Variants in UBTD2 observed in about 807,000 individuals in gnomAD.
UBTD2 encodes ubiquitin domain-containing protein 2.
Under a neutral mutation model 19.8 loss-of-function variants are expected in UBTD2, and 9 were observed. That is an observed-to-expected ratio of 0.46 (90% confidence interval 0.27 to 0.79). The LOEUF is 0.79. Ranked by LOEUF, UBTD2 falls within the 30% of genes least tolerant of loss-of-function variation. UBTD2 has a pLI of 0.14. For synonymous variants in UBTD2, 98 were observed against 103.9 expected, an observed-to-expected ratio of 0.94 and a Z score of 0.35; for missense variants, 250 against 300.4, an observed-to-expected ratio of 0.83 and a Z score of 1.24.
intron 1 of UBTD2, among the ~76,000 whole-genome samples, chr5:172,256,984 T>C (rs546117932): frequency 1.3e-5 from 2 of 149,806 alleles, no homozygotes; most frequent in South Asian, 2.2e-4. Flanking sequence ...AATTCTTTTT[T>C]TTCTTCTTCT....
chr5:172,222,091 G>A (rs1771663596), intron 2 of UBTD2, among the ~76,000 whole-genome samples: 1 of 152,016 alleles, frequency 6.6e-6, no homozygotes, highest in Admixed American at 6.6e-5. Context: ...AGGTTTATGG[G>A]TTACGCTCTT....
Position 172,211,258 on chromosome 5 carries a change from A to G in UBTD2, c.*572T>C, listed in dbSNP as rs1247214017. On this transcript the variant is annotated 3_prime_UTR_variant, in exon 3 of 3. Transcript: ENST00000393792. ...ACTAAAGCACAATTTGCCAGTCTCT[A>G]CTCATTTATGGCTAAATATTAATTG... is the stretch of plus-strand genomic sequence containing the variant. 1.3e-5 allele frequency: 2 copies of G among 152,448 alleles called. No homozygotes were observed. Among genetic ancestry groups the G allele is most frequent in the Non-Finnish European group, 2.9e-5 (2 of 68,042 alleles). The allele number at this position is 152,448 out of a possible 1,614,324, so 9.4% of individuals were successfully genotyped here.
chr5:172,248,243 T>G (rs1182044557), intron 1 of UBTD2, among the ~76,000 whole-genome samples: 1 of 152,158 alleles, frequency 6.6e-6, no homozygotes, highest in African/African-American at 2.4e-5. Flanking sequence ...CCTAACTTCA[T>G]GCCTCAAGGA....
chr5:172,214,044 C>T (rs534844493), intron 2 of UBTD2, among the ~76,000 whole-genome samples: 1 of 152,320 alleles, frequency 6.6e-6, no homozygotes, highest in African/African-American at 2.4e-5. Context: ...CTTGGCCTCC[C>T]AAAGTGTTGG....
intron 2 of UBTD2, among the ~76,000 whole-genome samples, chr5:172,217,246 T>C (rs926892205): frequency 7.6e-6 from 1 of 131,952 alleles, no homozygotes; most frequent in Non-Finnish European, 1.6e-5. Context: ...ACCCTGTCTG[T>C]AGTAAAAATA....
At chr5:172,224,247 C>T (rs996345518) in intron 2 of UBTD2, among the ~76,000 whole-genome samples, 1 of 138,264 alleles carries the variant, frequency 7.2e-6, no homozygotes, top group African/African-American at 2.6e-5. Flanking sequence ...CGGCTTCCCC[C>T]AAGCTCTTCT....
chr5:172,227,827 C>G (rs1049531023), intron 2 of UBTD2, among the ~76,000 whole-genome samples: 1 of 150,812 alleles, frequency 6.6e-6, no homozygotes, highest in African/African-American at 2.4e-5. Flanking sequence ...ATTACAGGCA[C>G]CCGCCACCAT....
At chr5:172,221,994 G>T (rs1453672873) in intron 2 of UBTD2, among the ~76,000 whole-genome samples, 1 of 152,096 alleles carries the variant, frequency 6.6e-6, no homozygotes, top group Non-Finnish European at 1.5e-5. Context: ...ACTTAATTTT[G>T]CTGTGAACTT....
chr5:172,277,383 A>C (rs1755626329), intron 1 of UBTD2, among the ~76,000 whole-genome samples: 1 of 152,154 alleles, frequency 6.6e-6, no homozygotes. Context: ...CAACAGAAGA[A>C]AAAAATAGAT....
chr5:172,246,751 CTTTTTTTTTTTTTTTTTTT>C (rs70982379), intron 1 of UBTD2, among the ~76,000 whole-genome samples: 2 of 62,496 alleles, frequency 3.2e-5, no homozygotes, highest in Non-Finnish European at 5.6e-5. Context: ...GCCGAGATTG[CTTTTTTTTTTTTTTTTTTT>C]TTTTTTTTTT....
At chr5:172,277,476 G>C (rs1015282266) in intron 1 of UBTD2, among the ~76,000 whole-genome samples, 7 of 152,100 alleles carry the variant, frequency 4.6e-5, no homozygotes, top group African/African-American at 1.7e-4. Context: ...GGAGGTCAAG[G>C]AGGGAGGATC....
intron 1 of UBTD2, among the ~76,000 whole-genome samples, chr5:172,273,056 G>A (rs776989444): frequency 1.1e-4 from 16 of 147,554 alleles, no homozygotes; most frequent in Non-Finnish European, 1.9e-4. Context: ...CAGCCTGGGC[G>A]AGACAGCAAG....
intron 1 of UBTD2, among the ~76,000 whole-genome samples, chr5:172,281,296 C>G (rs921958373): frequency 5.3e-5 from 8 of 152,186 alleles, no homozygotes; most frequent in African/African-American, 1.9e-4. Context: ...TAACCCAACA[C>G]ATTCAGATTA....
chr5:172,212,880 G>A (rs1366837865), intron 2 of UBTD2, among the ~76,000 whole-genome samples: 1 of 152,024 alleles, frequency 6.6e-6, no homozygotes, highest in African/African-American at 2.4e-5. Flanking sequence ...TGGCCAGGCT[G>A]GTCTCAAACT....
At chr5:172,255,432 G>A in intron 1 of UBTD2, 1 of 496,676 alleles carries the variant, frequency 2.0e-6, no homozygotes, top group African/African-American at 2.0e-5. Context: ...TCAAACATGA[G>A]CATTCTTTTA....
intron 2 of UBTD2, among the ~76,000 whole-genome samples, chr5:172,221,975 G>A (rs1771661162): frequency 1.3e-5 from 2 of 152,098 alleles, no homozygotes; most frequent in African/African-American, 4.8e-5. Flanking sequence ...GGAAATCCCT[G>A]TTTCCTCCAC....
chr5:172,220,558 C>A (rs575239645), intron 2 of UBTD2, among the ~76,000 whole-genome samples: 54 of 152,200 alleles, frequency 3.5e-4, no homozygotes, highest in Admixed American at 2.6e-4. Flanking sequence ...TCACTTGAAC[C>A]CAGGAGGTGG....
chr5:172,225,134 G>C (rs973249370), intron 2 of UBTD2, among the ~76,000 whole-genome samples: 3 of 151,792 alleles, frequency 2.0e-5, no homozygotes, highest in Non-Finnish European at 4.4e-5. Context: ...TGTCCTAGCA[G>C]AGACAGATGG....
chr5:172,264,559 A>AT (rs1404017808), intron 1 of UBTD2, among the ~76,000 whole-genome samples: 6 of 98,440 alleles, frequency 6.1e-5, no homozygotes, highest in South Asian at 4.0e-4. Flanking sequence ...AAATTAAAAA[A>AT]TTAAAAAAAA....
Sources: allele counts gnomAD v4.1 joint callset (sites outside exome capture counted in the v4.1 genomes callset), GRCh38; gene constraint gnomAD v4.1.1; transcripts MANE v1.5; gene names NCBI Gene and HGNC (gene_info 2026-07-23, HGNC 2026-07-21).